Variants in H2BN1 observed in about 807,000 individuals in gnomAD.
The protein encoded by H2BN1 is histone H2B.N.
the H2BN1 span, chr17:32,906,247 T>A: frequency 4.6e-5 from 7 of 152,214 alleles, no homozygotes; most frequent in Non-Finnish European, 8.8e-5. Context: ...GTGCCCTCAA[T>A]GCTTGGCAAC....
chr17:32,906,538 C>G, the H2BN1 span: 2 of 152,162 alleles, frequency 1.3e-5, no homozygotes, highest in East Asian at 3.8e-4. Flanking sequence ...TTTTTGGCCT[C>G]CAGCTTACTT....
At chr17:32,903,105 CT>C in the H2BN1 span, among the ~76,000 whole-genome samples, 2 of 151,658 alleles carry the variant, frequency 1.3e-5, no homozygotes, top group Non-Finnish European at 2.9e-5. Flanking sequence ...CTAGTCTTTT[CT>C]TTTTTCCTGA....
chr17:32,905,500 TTTTGTGTGTGTGGTTGTG>T, the H2BN1 span, among the ~76,000 whole-genome samples: 1 of 151,590 alleles, frequency 6.6e-6, no homozygotes, highest in Non-Finnish European at 1.5e-5. Flanking sequence ...CTCAGTTAAT[TTTTGTGTGTGTGGTTGTG>T]TGTGTGTGTG....
chr17:32,895,556 A>T, the H2BN1 span, among the ~76,000 whole-genome samples: 1 of 152,182 alleles, frequency 6.6e-6, no homozygotes, highest in African/African-American at 2.4e-5. Flanking sequence ...GTGGAGAAAG[A>T]AGAGGAGGAA....
chr17:32,900,140 G>A, the H2BN1 span, among the ~76,000 whole-genome samples: 1 of 152,280 alleles, frequency 6.6e-6, no homozygotes, highest in East Asian at 1.9e-4. Context: ...TATAATTACT[G>A]ATAATGTATA....
At chr17:32,897,343 C>T in the H2BN1 span, among the ~76,000 whole-genome samples, 1 of 125,584 alleles carries the variant, frequency 8.0e-6, no homozygotes, top group African/African-American at 3.3e-5. Flanking sequence ...CCCTCCCTCC[C>T]CTCTCTCTCT....
At chr17:32,899,064 A>C in the H2BN1 span, among the ~76,000 whole-genome samples, 2 of 152,244 alleles carry the variant, frequency 1.3e-5, no homozygotes, top group Non-Finnish European at 2.9e-5. Flanking sequence ...GAACAACATT[A>C]GGCAAGACTA....
At chr17:32,903,304 A>T in the H2BN1 span, among the ~76,000 whole-genome samples, 14 of 152,082 alleles carry the variant, frequency 9.2e-5, no homozygotes, top group Non-Finnish European at 1.8e-4. Flanking sequence ...TAGACTTTCA[A>T]ATTCTTAACA....
At chr17:32,903,803 G>A in the H2BN1 span, among the ~76,000 whole-genome samples, 1 of 152,190 alleles carries the variant, frequency 6.6e-6, no homozygotes, top group Non-Finnish European at 1.5e-5. Context: ...CCTACAGAGT[G>A]TTCAAAAGGA....
At chr17:32,897,358 TACACACACACACACAC>T in the H2BN1 span, among the ~76,000 whole-genome samples, 2 of 123,952 alleles carry the variant, frequency 1.6e-5, no homozygotes, top group African/African-American at 6.2e-5. Context: ...CTCTCTGTCT[TACACACACACACACAC>T]ACACACACAC....
chr17:32,896,516 A>G, the H2BN1 span, among the ~76,000 whole-genome samples: 3 of 152,208 alleles, frequency 2.0e-5, no homozygotes, highest in Non-Finnish European at 4.4e-5. Flanking sequence ...CTTCATGACA[A>G]GGAAGTAAGT....
At chr17:32,897,202 A>G in the H2BN1 span, among the ~76,000 whole-genome samples, 1 of 152,152 alleles carries the variant, frequency 6.6e-6, no homozygotes, top group Non-Finnish European at 1.5e-5. Flanking sequence ...AAAGGGACTC[A>G]CAATCCTGCG....
At chr17:32,898,853 G>A in the H2BN1 span, among the ~76,000 whole-genome samples, 5 of 152,198 alleles carry the variant, frequency 3.3e-5, no homozygotes, top group African/African-American at 7.2e-5. Context: ...GCTTATGTAT[G>A]TAAATAGGTT....
chr17:32,902,229 A>AT, the H2BN1 span, among the ~76,000 whole-genome samples: 69 of 152,256 alleles, frequency 4.5e-4, no homozygotes. Context: ...GACAGAAGTC[A>AT]TTTACCTAGA....
the H2BN1 span, among the ~76,000 whole-genome samples, chr17:32,902,077 A>G: frequency 2.0e-5 from 3 of 151,914 alleles, no homozygotes; most frequent in Non-Finnish European, 4.4e-5. Context: ...CTACCGTACA[A>G]GACTCTTTCT....
the H2BN1 span, among the ~76,000 whole-genome samples, chr17:32,902,797 G>A: frequency 3.3e-5 from 5 of 151,520 alleles, no homozygotes; most frequent in Non-Finnish European, 7.4e-5. Context: ...CCGGGATTGC[G>A]CCACTGCACT....
At chr17:32,900,387 G>A in the H2BN1 span, among the ~76,000 whole-genome samples, 1 of 152,044 alleles carries the variant, frequency 6.6e-6, no homozygotes, top group East Asian at 1.9e-4. Context: ...GTCAGAAAAA[G>A]ACAAAATTTA....
chr17:32,899,353 TCTC>T, the H2BN1 span, among the ~76,000 whole-genome samples: 7 of 152,218 alleles, frequency 4.6e-5, no homozygotes, highest in Non-Finnish European at 1.0e-4. Flanking sequence ...AGTGAATTCT[TCTC>T]CTCTTGAGGT....
the H2BN1 span, among the ~76,000 whole-genome samples, chr17:32,903,202 T>TA: frequency 6.6e-6 from 1 of 151,386 alleles, no homozygotes; most frequent in African/African-American, 2.4e-5. Flanking sequence ...TATATATATA[T>TA]TATATATACA....
Sources: allele counts gnomAD v4.1 joint callset (sites outside exome capture counted in the v4.1 genomes callset), GRCh38; gene constraint gnomAD v4.1.1; transcripts MANE v1.5; gene names NCBI Gene and HGNC (gene_info 2026-07-23, HGNC 2026-07-21).